The following SLC14A2 variants were observed in gnomAD, a reference collection of about 807,000 sequenced individuals.
The protein encoded by SLC14A2 is urea transporter 2.
A neutral mutation model predicts 104.6 loss-of-function variants in SLC14A2; 91 were observed. The ratio of observed to expected loss-of-function variants is 0.87; its 90% CI spans 0.73 to 1.04. SLC14A2 has a LOEUF of 1.04. Ranked by LOEUF, SLC14A2 falls within the 50% of genes least tolerant of loss-of-function variation. The probability of loss-of-function intolerance (pLI) is 0.00; values close to 1 mark genes in which losing one functional copy is unlikely to be tolerated. For missense variants in SLC14A2, 1,189 were observed against 1,156.0 expected, an observed-to-expected ratio of 1.03 and a Z score of -0.41; for synonymous variants, 476 against 466.4, an observed-to-expected ratio of 1.02 and a Z score of -0.27.
the SLC14A2 span, among the ~76,000 whole-genome samples, chr18:45,190,499 C>T: frequency 6.6e-6 from 1 of 152,090 alleles, no homozygotes; most frequent in African/African-American, 2.4e-5. Context: ...TAACAGATGT[C>T]CTAGATGATG....
chr18:45,575,983 T>C (rs992794346), intron 2 of SLC14A2, among the ~76,000 whole-genome samples: 1 of 152,174 alleles, frequency 6.6e-6, no homozygotes, highest in African/African-American at 2.4e-5. Flanking sequence ...TTGCTCTAAC[T>C]TGAAGGATTT....
intron 2 of SLC14A2, among the ~76,000 whole-genome samples, chr18:45,555,710 C>T (rs1254770241): frequency 6.6e-6 from 1 of 152,210 alleles, no homozygotes. Context: ...TATTTGAGGC[C>T]TCCAGCTTGA....
intron 2 of SLC14A2, among the ~76,000 whole-genome samples, chr18:45,511,158 A>G (rs1163095820): frequency 6.6e-6 from 1 of 151,856 alleles, no homozygotes; most frequent in Non-Finnish European, 1.5e-5. Flanking sequence ...ACATCTTTGC[A>G]CTTGACACAT....
chr18:45,455,637 C>CATAATAATAATAATA lies in SLC14A2; in HGVS notation c.-124-27588_-124-27574dup, dbSNP rs141156069. On this transcript the variant is annotated intron_variant, in intron 1 of 20. Transcript: ENST00000586448. Reference sequence around the variant, plus strand: ...CTGCCATGTACCCCAGAACTTAAAGCATAATAATAATAATAATAATAAAGT... The same window carrying CATAATAATAATAATA: ...CTGCCATGTACCCCAGAACTTAAAGCATAATAATAATAATAATAATAATAATAATAATAATAAAGT... 2.8e-3 allele frequency among the ~76,000 whole-genome samples: 410 copies of CATAATAATAATAATA among 148,992 alleles called. 3 individuals carry two copies. Among genetic ancestry groups the CATAATAATAATAATA allele is most frequent in the Admixed American group, 0.017 (257 of 14,926 alleles).
chr18:45,502,750 T>C (rs1269740785), intron 2 of SLC14A2, among the ~76,000 whole-genome samples: 1 of 152,104 alleles, frequency 6.6e-6, no homozygotes, highest in Admixed American at 6.6e-5. Flanking sequence ...ACTTTGTAGA[T>C]AGGAGAACTG....
intron 1 of SLC14A2, among the ~76,000 whole-genome samples, chr18:45,254,781 A>G (rs2084459215): frequency 6.6e-6 from 1 of 152,054 alleles, no homozygotes; most frequent in Non-Finnish European, 1.5e-5. Context: ...TTCCGTTTGC[A>G]GCAGCCTGGA....
chr18:45,484,989 T>G (rs946190929), intron 2 of SLC14A2, among the ~76,000 whole-genome samples: 5 of 152,214 alleles, frequency 3.3e-5, no homozygotes, highest in Admixed American at 6.5e-5. Context: ...TGTAATATCA[T>G]TGTTATTAAT....
intron 1 of SLC14A2, among the ~76,000 whole-genome samples, chr18:45,456,520 T>A (rs2086946491): frequency 6.6e-6 from 1 of 152,188 alleles, no homozygotes; most frequent in South Asian, 2.1e-4. Context: ...GCACCTCCCA[T>A]CTGCTCCTCC....
chr18:45,260,923 C>T (rs2084529303), intron 1 of SLC14A2, among the ~76,000 whole-genome samples: 1 of 152,118 alleles, frequency 6.6e-6, no homozygotes, highest in South Asian at 2.1e-4. Context: ...ACCATCCGTA[C>T]CCCAAACCTC....
chr18:45,583,744 G>GAA (rs113450666), intron 2 of SLC14A2, among the ~76,000 whole-genome samples: 1 of 148,646 alleles, frequency 6.7e-6, no homozygotes, highest in African/African-American at 2.5e-5. Context: ...GCCAGCTCTT[G>GAA]AAAAAAAAAC....
chr18:45,255,838 G>C (rs1568123367), intron 1 of SLC14A2, among the ~76,000 whole-genome samples: 1 of 152,240 alleles, frequency 6.6e-6, no homozygotes, highest in East Asian at 1.9e-4. Flanking sequence ...CCCTTCAATG[G>C]TGTCCTTGGC....
chr18:45,563,448 A>C (rs2044229498), intron 2 of SLC14A2, among the ~76,000 whole-genome samples: 1 of 152,260 alleles, frequency 6.6e-6, no homozygotes, highest in South Asian at 2.1e-4. Context: ...TTACATTCGA[A>C]AGTATAATTT....
At chr18:45,534,703 G>A (rs1273577006) in intron 2 of SLC14A2, among the ~76,000 whole-genome samples, 1 of 152,132 alleles carries the variant, frequency 6.6e-6, no homozygotes, top group African/African-American at 2.4e-5. Flanking sequence ...CATAGGCAAA[G>A]GGTTGAAAAT....
intron 1 of SLC14A2, among the ~76,000 whole-genome samples, chr18:45,479,105 C>T (rs1423691446): frequency 6.6e-6 from 1 of 152,176 alleles, no homozygotes; most frequent in Non-Finnish European, 1.5e-5. Context: ...GCAGCCCTTC[C>T]TCAACAAAGG....
intron 2 of SLC14A2, among the ~76,000 whole-genome samples, chr18:45,527,533 C>T (rs1487184963): frequency 6.6e-6 from 1 of 152,054 alleles, no homozygotes; most frequent in Non-Finnish European, 1.5e-5. Context: ...CAACTTTTTG[C>T]AAAAAGAAAG....
intron 1 of SLC14A2, among the ~76,000 whole-genome samples, chr18:45,349,232 T>A (rs2085478856): frequency 6.6e-6 from 1 of 152,192 alleles, no homozygotes; most frequent in Non-Finnish European, 1.5e-5. Context: ...GAAAAACACA[T>A]GATGCAAGCT....
At chr18:45,557,326 A>C (rs2044146333) in intron 2 of SLC14A2, among the ~76,000 whole-genome samples, 1 of 152,146 alleles carries the variant, frequency 6.6e-6, no homozygotes, top group Admixed American at 6.5e-5. Flanking sequence ...TGCCATGCTG[A>C]GCTTGATGTC....
chr18:45,557,351 C>G (rs992880934), intron 2 of SLC14A2, among the ~76,000 whole-genome samples: 1 of 152,192 alleles, frequency 6.6e-6, no homozygotes, highest in Admixed American at 6.5e-5. Flanking sequence ...GTCGCCAATG[C>G]GTCTCTTTGA....
At chr18:45,187,961 T>C in the SLC14A2 span, among the ~76,000 whole-genome samples, 3 of 152,174 alleles carry the variant, frequency 2.0e-5, no homozygotes, top group Non-Finnish European at 2.9e-5. Context: ...TTCTACATTA[T>C]ATTGGGACTT....
Sources: gnomAD v4.1 joint callset for allele counts (sites outside exome capture counted in the v4.1 genomes callset) on GRCh38, gnomAD v4.1.1 for gene constraint, MANE v1.5 for transcripts, NCBI Gene and HGNC (gene_info 2026-07-23, HGNC 2026-07-21) for gene names.